The following CNDP1 variants were observed in gnomAD, a reference collection of about 807,000 sequenced individuals.
The protein encoded by CNDP1 is carnosine dipeptidase 1, also known as beta-Ala-His dipeptidase.
In CNDP1, 44 loss-of-function variants were observed where a neutral mutation model predicts 58.1. The observed-to-expected ratio is 0.76, with a 90% confidence interval of 0.60 to 0.97. The LOEUF is 0.97. Among genes scored for constraint, CNDP1 ranks in the 50% least tolerant of loss-of-function variants. The pLI, the probability that CNDP1 is intolerant of heterozygous loss-of-function variation, is 0.00. For missense variants in CNDP1, 616 were observed against 655.1 expected, an observed-to-expected ratio of 0.94 and a Z score of 0.65; for synonymous variants, 254 against 252.6, an observed-to-expected ratio of 1.01 and a Z score of -0.05.
chr18:74,561,427 A>G (rs1225423026), intron 4 of CNDP1: 1 of 155,338 alleles, frequency 6.4e-6, no homozygotes, highest in African/African-American at 2.4e-5. Context: ...AAAAAAAAAA[A>G]AAAGAATGCA....
At chr18:74,579,243 T>A (rs1981724926) in intron 9 of CNDP1, among the ~76,000 whole-genome samples, 1 of 135,280 alleles carries the variant, frequency 7.4e-6, no homozygotes, top group Admixed American at 7.4e-5. Flanking sequence ...ACCTCCCCTC[T>A]CCTTTCCTTT....
rs1981472096 is a variant in CNDP1 at position 74,571,245 on chromosome 18, A to G, written c.816A>G (p.Pro272=). 1.4e-5 allele frequency: 23 copies of G among 1,612,946 alleles called. No homozygotes were observed. The highest frequency in any genetic ancestry group is 1.8e-5 in the Non-Finnish European group (21 of 1,178,984). ...SGTFGGILHE[P]MADLVALLGS... Reference sequence around the variant, plus strand: ...CCTTTGGTGGCATCCTTCATGAACCAATGGCTGATCTGGTTGCTCTTCTCG... The same window carrying G: ...CCTTTGGTGGCATCCTTCATGAACCGATGGCTGATCTGGTTGCTCTTCTCG... Residue 272 remains proline, a synonymous_variant, in exon 7 of 12, where the codon CCA becomes CCG. Coordinates refer to ENST00000358821, the MANE Select transcript of CNDP1 (RefSeq NM_032649.6).
At chr18:74,559,112 G>A (rs766729990) in intron 2 of CNDP1, among the ~76,000 whole-genome samples, 10 of 152,088 alleles carry the variant, frequency 6.6e-5, no homozygotes, top group East Asian at 1.9e-4. Context: ...CTAACCAGGC[G>A]CCTCTGGCTT....
chr18:74,571,133 A>T, intron 6 of CNDP1, 53 bp from the exon 7 acceptor site: 2 of 1,235,346 alleles, frequency 1.6e-6, no homozygotes, highest in Non-Finnish European at 2.4e-6. Flanking sequence ...AAATGCTTAC[A>T]CTAAAGGAAC....
intron 6 of CNDP1, among the ~76,000 whole-genome samples, chr18:74,568,980 C>T (rs186549677): frequency 6.4e-4 from 97 of 152,022 alleles, no homozygotes; most frequent in African/African-American, 1.9e-3. Context: ...AGGTGATCAA[C>T]GGTGGTATTC....
intron 1 of CNDP1, among the ~76,000 whole-genome samples, chr18:74,547,823 G>A (rs1231460876): frequency 6.6e-6 from 1 of 152,230 alleles, no homozygotes; most frequent in Non-Finnish European, 1.5e-5. Context: ...TAACACAGCA[G>A]AGGATGTAAA....
chr18:74,536,307 T>C (rs564803251), intron 1 of CNDP1, among the ~76,000 whole-genome samples: 1 of 152,270 alleles, frequency 6.6e-6, no homozygotes, highest in Admixed American at 6.5e-5. Context: ...CCTCCACCCA[T>C]AGGCCCCAGT....
At chr18:74,538,916 TAA>T (rs1274218034) in intron 1 of CNDP1, among the ~76,000 whole-genome samples, 2 of 152,340 alleles carry the variant, frequency 1.3e-5, no homozygotes, top group African/African-American at 2.4e-5. Context: ...ACTTCGAGTA[TAA>T]AAAGTCTCCC....
intron 6 of CNDP1, among the ~76,000 whole-genome samples, chr18:74,568,303 G>A (rs1018347545): frequency 6.6e-6 from 1 of 152,218 alleles, no homozygotes; most frequent in African/African-American, 2.4e-5. Context: ...TGTCAGATAG[G>A]AGGATGCTAA....
chr18:74,549,822 C>G (rs1012042871), intron 1 of CNDP1, among the ~76,000 whole-genome samples: 4 of 152,220 alleles, frequency 2.6e-5, no homozygotes, highest in African/African-American at 9.6e-5. Flanking sequence ...CTGCTCTGTA[C>G]AGCCTCAGAA....
At position 74,567,301 on chromosome 18, in the gene CNDP1, A is replaced by G. The variant is rs568823832; in HGVS notation, c.624A>G (p.Glu208=). ...MEEAGSVALE[E]LVEKEKDRFF... ...AGGCTGGCTCTGTTGCCCTGGAGGA[A>G]CTTGTGGAAAAAGAAAAGGACCGAT... is the stretch of plus-strand genomic sequence containing the variant. The change falls in exon 6 of 12, where the codon GAA becomes GAG. Residue 208 remains glutamate (E), a synonymous_variant. Coordinates refer to ENST00000358821, the MANE Select transcript of CNDP1 (RefSeq NM_032649.6). 79 of 1,613,998 alleles carry G rather than the reference A, an allele frequency of 4.9e-5. No homozygotes were observed. Among genetic ancestry groups the G allele is most frequent in the Non-Finnish European group, 6.4e-5 (75 of 1,179,966 alleles).
In CNDP1 at chr18:74,557,423, G is replaced by A. The variant is rs184956109; in HGVS notation, c.153+957G>A. Reference sequence around the variant, plus strand: ...TATACAGGTTGGGAGTGGGGGTAAAGTAGAGGGAGGATGAGGAGGAATGGC... The same window carrying A: ...TATACAGGTTGGGAGTGGGGGTAAAATAGAGGGAGGATGAGGAGGAATGGC... On this transcript the variant is annotated intron_variant, in intron 2 of 11. Coordinates refer to ENST00000358821, the MANE Select transcript of CNDP1 (RefSeq NM_032649.6). 6.7e-3 allele frequency among the ~76,000 whole-genome samples: 1,023 copies of A among 152,270 alleles called. 4 individuals are homozygous for A. The highest frequency in any genetic ancestry group is 0.01 in the Middle Eastern group (3 of 294).
intron 9 of CNDP1, among the ~76,000 whole-genome samples, chr18:74,579,203 G>GCCTTC (rs1555743780): frequency 0.1 from 13,016 of 125,266 alleles, 801 homozygotes; most frequent in Middle Eastern, 0.17. Flanking sequence ...CCCTTCCCTT[G>GCCTTC]CCTTCCCTTC....
In CNDP1 at chr18:74,571,182, G is replaced by A; in HGVS notation, c.757-4G>A. 6.2e-7 allele frequency: 1 copy of A among 1,600,070 alleles called. No homozygotes were observed. Among genetic ancestry groups the A allele is most frequent in the Non-Finnish European group, 8.6e-7 (1 of 1,167,374 alleles). On this transcript the variant is annotated splice_region_variant and splice_polypyrimidine_tract_variant and intron_variant, in intron 6 of 11. Coordinates refer to ENST00000358821, the MANE Select transcript of CNDP1 (RefSeq NM_032649.6). ...ATATCTCTTACCTTTTATCTACTCT[G>A]CAGGTGAAATGCAGAGACCAGGATT...
At chr18:74,571,412 A>T in intron 7 of CNDP1, 142 bp downstream of exon 7, 1 of 607,378 alleles carries the variant, frequency 1.6e-6, no homozygotes, top group Non-Finnish European at 3.0e-6. Context: ...CCCTTGGCAA[A>T]CTGTTCCCTC....
chr18:74,547,037 C>T (rs1467672444), intron 1 of CNDP1, among the ~76,000 whole-genome samples: 1 of 152,206 alleles, frequency 6.6e-6, no homozygotes, highest in Admixed American at 6.5e-5. Context: ...CTTGCTGACT[C>T]CTCCATGGGG....
rs1370961336 is a variant in CNDP1 at position 74,586,913 on chromosome 18, T to C, written c.*2351T>C. The C allele has an allele frequency of 6.6e-6, 1 of 152,228 alleles. No individual in the cohort carries two copies. The highest frequency in any genetic ancestry group is 1.5e-5 in the Non-Finnish European group (1 of 68,040). The allele number at this position is 152,228 out of a possible 1,614,324, so 9.4% of individuals were successfully genotyped here. A position where few individuals can be genotyped will look rare whatever the true frequency, so the allele number is the denominator to read the frequency against. On this transcript the variant is annotated 3_prime_UTR_variant, in exon 12 of 12. Transcript: ENST00000358821. ...TATGGAGGCAAAAAAGGGAGAAATT[T>C]AAATATTTGTTTTTTAACATTTTAA...
intron 5 of CNDP1, 189 bp from the exon 6 acceptor site, chr18:74,567,044 C>T (rs1015421520): frequency 1.9e-5 from 11 of 594,400 alleles, no homozygotes; most frequent in African/African-American, 1.7e-4. Flanking sequence ...CATCAGATCT[C>T]ATGAGACTTA....
At chr18:74,573,233 CAACT>C (rs148344143) in intron 7 of CNDP1, among the ~76,000 whole-genome samples, 104 of 151,634 alleles carry the variant, frequency 6.9e-4, no homozygotes, top group South Asian at 2.3e-3. Context: ...TCCATCCATC[CAACT>C]ATCTGTCTAT....
Sources: allele counts gnomAD v4.1 joint callset (sites outside exome capture counted in the v4.1 genomes callset), GRCh38; gene constraint gnomAD v4.1.1; transcripts MANE v1.5; gene names NCBI Gene and HGNC (gene_info 2026-07-23, HGNC 2026-07-21).